The following PHC1 variants were observed in gnomAD, a reference collection of about 807,000 sequenced individuals.
PHC1 encodes the protein polyhomeotic homolog 1, also known as polyhomeotic-like protein 1.
In PHC1, 12 loss-of-function variants were observed where a neutral mutation model predicts 104.3. The observed-to-expected ratio is 0.12, with a 90% confidence interval of 0.07 to 0.19. PHC1 has a LOEUF of 0.19. Ranked by LOEUF, PHC1 falls within the 10% of genes least tolerant of loss-of-function variation. PHC1 has a pLI of 1.00. For missense variants in PHC1, 671 were observed against 1,200.0 expected (o/e 0.56, Z 6.51); for synonymous variants, 302 against 455.8 (o/e 0.66, Z 4.30).
chr12:8,924,374 G>A (rs922060510), intron 6 of PHC1, among the ~76,000 whole-genome samples: 1 of 152,186 alleles, frequency 6.6e-6, no homozygotes, highest in Non-Finnish European at 1.5e-5. Context: ...CTACAGGGAG[G>A]TTGAGACAGA....
chr12:8,938,374 T>C (rs1945903017), intron 14 of PHC1, among the ~76,000 whole-genome samples: 3 of 152,064 alleles, frequency 2.0e-5, no homozygotes, highest in Admixed American at 2.0e-4. Flanking sequence ...TTTTTTTCAG[T>C]GGAGCAGGGT....
chr12:8,915,701 T>C (rs1226589286), intron 1 of PHC1: 2 of 149,208 alleles, frequency 1.3e-5, no homozygotes, highest in Non-Finnish European at 3.0e-5. Flanking sequence ...CCATTTTTTA[T>C]ATTTAATCTT....
intron 6 of PHC1, among the ~76,000 whole-genome samples, chr12:8,927,582 A>C (rs1466695335): frequency 1.3e-5 from 2 of 152,192 alleles, no homozygotes; most frequent in Non-Finnish European, 2.9e-5. Context: ...AGCAATGCTC[A>C]TATAATGGTT....
chr12:8,920,000 G>A lies in PHC1; in HGVS notation c.225+134G>A, dbSNP rs1216484882. The A allele has an allele frequency of 7.4e-6, 10 of 1,358,162 alleles. No homozygotes were observed. In the East Asian group the frequency reaches 2.5e-4, roughly 34 times the overall value. 84.1% of individuals were successfully genotyped at this position (1,358,162 alleles called of 1,614,324 possible). On this transcript the variant is annotated intron_variant, in intron 3 of 14. Transcript: ENST00000544916. The surrounding 1 kb of genome is among the most constrained non-coding windows in gnomAD (Gnocchi z 4.9). ...AGCCTCCTCCGCCTCCTGTCCTTCT[G>A]TGGGAGGATGGATGCATCTTAGCTT...
chr12:8,920,971 T>C lies in PHC1; in HGVS notation c.226-14T>C. 3.1e-6 allele frequency: 5 copies of C among 1,598,398 alleles called. No individual in the cohort carries two copies. The highest frequency in any genetic ancestry group is 1.7e-5 in the Admixed American group (1 of 57,450). On this transcript the variant is annotated splice_polypyrimidine_tract_variant and intron_variant, in intron 3 of 14. Coordinates refer to ENST00000544916, the MANE Select transcript of PHC1 (RefSeq NM_004426.3). Reference sequence around the variant, plus strand: ...CTGTCTTTGCTATTTCTTGTTTCCCTTCCCCTTTAATAGGCCACAATTGCT... The same window carrying C: ...CTGTCTTTGCTATTTCTTGTTTCCCCTCCCCTTTAATAGGCCACAATTGCT...
At position 8,922,903 on chromosome 12, in the gene PHC1, G is replaced by A. The variant is rs138964904; in HGVS notation, c.612+115G>A. On this transcript the variant is annotated intron_variant, in intron 6 of 14. Transcript: ENST00000544916. ...ACTTTTCAGAATTCTTACTTTTTGTGTTTTGTTTTTCCTTCCCTTAATCAC... is the reference window on the plus strand; with the variant it reads ...ACTTTTCAGAATTCTTACTTTTTGTATTTTGTTTTTCCTTCCCTTAATCAC... 9.2e-5 allele frequency: 86 copies of A among 934,634 alleles called. No individual in the cohort carries two copies. In the African/African-American group the frequency reaches 9.8e-4, roughly 11 times the overall value. 57.9% of individuals were successfully genotyped at this position (934,634 alleles called of 1,614,324 possible).
In PHC1 at chr12:8,921,768, T is replaced by A; in HGVS notation, c.456+18T>A. ...ATCTACGGGTAAGCCACAGATGCAG[T>A]CACCATTGCCCCAGAGGCATAATTG... On this transcript the variant is annotated intron_variant, in intron 5 of 14. Coordinates refer to ENST00000544916, the MANE Select transcript of PHC1 (RefSeq NM_004426.3). The A allele has an allele frequency of 6.3e-7, 1 of 1,576,758 alleles. No homozygotes were observed. The highest frequency in any genetic ancestry group is 8.6e-7 in the Non-Finnish European group (1 of 1,163,462).
chr12:8,926,870 G>C (rs972771814), intron 6 of PHC1, among the ~76,000 whole-genome samples: 1 of 152,124 alleles, frequency 6.6e-6, no homozygotes, highest in Non-Finnish European at 1.5e-5. Flanking sequence ...AGCCGAGATC[G>C]CGCCGTTGTA....
chr12:8,927,892 TC>T (rs1565517489), intron 6 of PHC1, among the ~76,000 whole-genome samples: 9 of 114,984 alleles, frequency 7.8e-5, no homozygotes, highest in African/African-American at 3.1e-4. Flanking sequence ...TTTCTTTCTT[TC>T]TTTCTTTCTT....
Position 8,936,840 on chromosome 12 carries a change from A to G in PHC1, c.2369-16A>G. 6.6e-7 allele frequency: 1 copy of G among 1,521,408 alleles called. No homozygotes were observed. Among genetic ancestry groups the G allele is most frequent in the Non-Finnish European group, 9.1e-7 (1 of 1,097,574 alleles). 94.2% of individuals were successfully genotyped at this position (1,521,408 alleles called of 1,614,324 possible). A position where few individuals can be genotyped will look rare whatever the true frequency, so the allele number is the denominator to read the frequency against. On this transcript the variant is annotated splice_polypyrimidine_tract_variant and intron_variant, in intron 11 of 14. Transcript: ENST00000544916. ...AGAAACCCATGGTGACTGTCCAGCA[A>G]TACCTTGTTTTTTAGAGTTAGATAA...
At chr12:8,920,871 C>T in intron 3 of PHC1, 114 bp from the exon 4 acceptor site, 1 of 677,900 alleles carries the variant, frequency 1.5e-6, no homozygotes. Flanking sequence ...AGTGGAATCT[C>T]CCTGTTTATA....
chr12:8,935,863 C>A (rs1032902208), intron 11 of PHC1, among the ~76,000 whole-genome samples: 1 of 151,910 alleles, frequency 6.6e-6, no homozygotes, highest in African/African-American at 2.4e-5. Flanking sequence ...TGGGTTCAAG[C>A]GATTCTCCTG....
At chr12:8,918,437 G>A (rs1316456920) in intron 2 of PHC1, among the ~76,000 whole-genome samples, 2 of 151,954 alleles carry the variant, frequency 1.3e-5, no homozygotes, top group Non-Finnish European at 2.9e-5. Context: ...ACCCATTAGG[G>A]CTGTATTACC....
In PHC1 at chr12:8,921,043, A is replaced by T. The variant is rs762638543; in HGVS notation, c.284A>T (p.Gln95Leu). 1 of 1,613,276 alleles carries T rather than the reference A, an allele frequency of 6.2e-7. No homozygotes were observed. Among genetic ancestry groups the T allele is most frequent in the Admixed American group, 1.7e-5 (1 of 59,794 alleles). The change falls in exon 4 of 15, where the codon CAG (glutamine) becomes CTG (leucine). Residue 95 changes from glutamine (Q) to leucine (L), a missense_variant. Gln to Leu is a moderately radical substitution (Grantham distance 113). Around this residue, in one of 9 missense-constraint regions of PHC1, gnomAD observed 237 missense variants for 331.1 expected, o/e 0.72. Coordinates refer to ENST00000544916, the MANE Select transcript of PHC1 (RefSeq NM_004426.3). ...CCAAACACCAGCACTACACAGCAGCAGACTACCACCACCCAGGCCTCGGTG... is the reference window on the plus strand; with the variant it reads ...CCAAACACCAGCACTACACAGCAGCTGACTACCACCACCCAGGCCTCGGTG... ...SSPNTSTTQQ[Q>L]TTTTQASINL...
chr12:8,913,883 A>G (rs1222209341), upstream of PHC1: 4 of 152,226 alleles, frequency 2.6e-5, no homozygotes, highest in African/African-American at 9.6e-5. Flanking sequence ...TGCTGCTTTG[A>G]AAATGAAGTC....
At position 8,919,722 on chromosome 12, in the gene PHC1, T is replaced by C; in HGVS notation, c.115-34T>C. On this transcript the variant is annotated intron_variant, in intron 2 of 14. Transcript: ENST00000544916. The surrounding 1 kb of genome is among the most constrained non-coding windows in gnomAD (Gnocchi z 4.9). ...TACATAGAATAGGAGCTAGGAGTGG[T>C]CCATTCTAAATGTTTTATCCTCTCT... 6.3e-7 allele frequency: 1 copy of C among 1,584,266 alleles called. No individual in the cohort carries two copies. The highest frequency in any genetic ancestry group is 8.6e-7 in the Non-Finnish European group (1 of 1,158,926).
chr12:8,933,482 C>T (rs1374961628), intron 8 of PHC1, 132 bp downstream of exon 8: 1 of 1,128,674 alleles, frequency 8.9e-7, no homozygotes, highest in East Asian at 2.6e-5. Context: ...TCTGCTTCTT[C>T]TGTAAGAGAG....
chr12:8,926,771 TG>T (rs1214143830), intron 6 of PHC1, among the ~76,000 whole-genome samples: 2 of 148,070 alleles, frequency 1.4e-5, no homozygotes, highest in East Asian at 4.0e-4. Flanking sequence ...AAACATTAGC[TG>T]GGCGTGGTGG....
In PHC1 at chr12:8,937,338, G is replaced by C; in HGVS notation, c.2628+12G>C. The C allele has an allele frequency of 6.3e-7, 1 of 1,596,614 alleles. No individual in the cohort carries two copies. Among genetic ancestry groups the C allele is most frequent in the Non-Finnish European group, 8.5e-7 (1 of 1,172,268 alleles). On this transcript the variant is annotated intron_variant, in intron 13 of 14. Transcript: ENST00000544916. ...GCAAGTGCCACCGGGTGAGCTGCTT[G>C]TTGTAGAGCCAGATGCCTTTAAACT...
Sources: gnomAD v4.1 joint callset for allele counts (sites outside exome capture counted in the v4.1 genomes callset) on GRCh38, gnomAD v4.1.1 for gene constraint, gnomAD v4.1.1 regional missense constraint, Gnocchi (gnomAD v3.1) non-coding constraint, MANE v1.5 for transcripts, NCBI Gene and HGNC (gene_info 2026-07-23, HGNC 2026-07-21) for gene names.